RALGAPA1: variants seen among roughly 807,000 people sequenced by gnomAD.
The protein encoded by RALGAPA1 is ral GTPase-activating protein subunit alpha-1.
A neutral mutation model predicts 269.6 loss-of-function variants in RALGAPA1; 52 were observed. The ratio of observed to expected loss-of-function variants is 0.19; its 90% CI spans 0.15 to 0.24. The LOEUF is 0.24. RALGAPA1 is among the 10% of genes least tolerant of loss of function. RALGAPA1 has a pLI of 1.00. For missense variants in RALGAPA1, 1,917 were observed against 3,013.9 expected, an observed-to-expected ratio of 0.64 and a Z score of 8.52; for synonymous variants, 817 against 1,008.3, an observed-to-expected ratio of 0.81 and a Z score of 3.60.
At chr14:35,646,578 AG>A (rs2062451183) in intron 31 of RALGAPA1, among the ~76,000 whole-genome samples, 1 of 152,236 alleles carries the variant, frequency 6.6e-6, no homozygotes, top group South Asian at 2.1e-4. Flanking sequence ...CAAGAAATAT[AG>A]AAAGATTAAG....
chr14:35,681,113 T>A lies in RALGAPA1; in HGVS notation c.4471+2696A>T, dbSNP rs78129608. Reference sequence around the variant, plus strand: ...TTCTATGTTATAGGAAAATAGATGATTTCAGGACTACTAACATCCCTTTCA... The same window carrying A: ...TTCTATGTTATAGGAAAATAGATGAATTCAGGACTACTAACATCCCTTTCA... On this transcript the variant is annotated intron_variant, in intron 21 of 41. Coordinates refer to ENST00000680220, the MANE Select transcript of RALGAPA1 (RefSeq NM_001346249.2). Among the ~76,000 whole-genome samples, 2,091 of 152,296 alleles carry A rather than the reference T, an allele frequency of 0.014. 72 individuals are homozygous for A. The South Asian group carries it at 0.14, about 10-fold the overall frequency.
chr14:35,706,399 T>C (rs759011706), intron 16 of RALGAPA1, among the ~76,000 whole-genome samples: 10 of 152,320 alleles, frequency 6.6e-5, no homozygotes, highest in East Asian at 3.9e-4. Flanking sequence ...CCTTTCTCCA[T>C]TGAATTGCCT....
chr14:35,723,222 T>G lies in RALGAPA1; in HGVS notation c.1909A>C (p.Ile637Leu). The change falls in exon 15 of 42, where the codon ATC (isoleucine) becomes CTC (leucine). Residue 637 changes from isoleucine (I) to leucine (L), a missense_variant. By Grantham distance (5) the Ile-to-Leu change is conservative. Around this residue, in one of 11 missense-constraint regions of RALGAPA1, gnomAD observed 40 missense variants for 112.6 expected, o/e 0.36. Coordinates refer to ENST00000680220, the MANE Select transcript of RALGAPA1 (RefSeq NM_001346249.2). ...AWIKANLNVY[I>L]SRELWDDLLS... is the part of the protein sequence containing the mutation. ...AAGTCATCCCAAAGTTCTCGGGAGA[T>G]GTACACATTTAGGTTTGCTTTGATC... The G allele has an allele frequency of 6.2e-7, 1 of 1,613,210 alleles. No homozygotes were observed. The highest frequency in any genetic ancestry group is 8.5e-7 in the Non-Finnish European group (1 of 1,179,224).
intron 4 of RALGAPA1, among the ~76,000 whole-genome samples, chr14:35,769,496 G>C (rs1178977222): frequency 3.9e-5 from 6 of 151,952 alleles, no homozygotes; most frequent in African/African-American, 1.2e-4. Flanking sequence ...TCACCACCTG[G>C]GTGACAGGAT....
chr14:35,761,633 T>C (rs1170001180), intron 5 of RALGAPA1, among the ~76,000 whole-genome samples: 1 of 152,184 alleles, frequency 6.6e-6, no homozygotes, highest in African/African-American at 2.4e-5. Flanking sequence ...AACAATACCC[T>C]GTACACAGAA....
At chr14:35,808,155 G>C (rs937609673) in intron 1 of RALGAPA1, among the ~76,000 whole-genome samples, 1 of 152,060 alleles carries the variant, frequency 6.6e-6, no homozygotes, top group South Asian at 2.1e-4. Context: ...TACAATTCTC[G>C]AGAAGCAAAG....
At position 35,797,249 on chromosome 14, in the gene RALGAPA1, G is replaced by A. The variant is rs184763909; in HGVS notation, c.106+11481C>T. ...CGTGCCTGTAGTCCCAGCTACTAGG[G>A]GGCTGAAGCAGGAGAATCACTTGAA... is the stretch of plus-strand genomic sequence containing the variant. On this transcript the variant is annotated intron_variant, in intron 1 of 41. Coordinates refer to ENST00000680220, the MANE Select transcript of RALGAPA1 (RefSeq NM_001346249.2). 2.5e-3 allele frequency among the ~76,000 whole-genome samples: 373 copies of A among 150,484 alleles called. 5 individuals carry two copies. Among genetic ancestry groups the A allele is most frequent in the Admixed American group, 0.02 (299 of 15,074 alleles).
intron 31 of RALGAPA1, among the ~76,000 whole-genome samples, chr14:35,640,899 T>C (rs969182544): frequency 6.6e-6 from 1 of 152,172 alleles, no homozygotes; most frequent in Non-Finnish European, 1.5e-5. Context: ...GGGAGATTTA[T>C]CCCAGGGATT....
intron 36 of RALGAPA1, among the ~76,000 whole-genome samples, chr14:35,603,327 T>G (rs1487157519): frequency 1.3e-5 from 2 of 152,166 alleles, no homozygotes; most frequent in Non-Finnish European, 2.9e-5. Context: ...TTTTTTATAC[T>G]TTTCAAAGCA....
intron 37 of RALGAPA1, among the ~76,000 whole-genome samples, chr14:35,586,255 A>T (rs920480389): frequency 6.6e-6 from 1 of 151,922 alleles, no homozygotes; most frequent in African/African-American, 2.4e-5. Flanking sequence ...CTGTTTGTCT[A>T]TTATTGGTGT....
chr14:35,572,799 G>A, intron 37 of RALGAPA1, 81 bp from the exon 38 acceptor site: 1 of 1,005,914 alleles, frequency 9.9e-7, no homozygotes, highest in Non-Finnish European at 1.4e-6. Flanking sequence ...CATAAAAAGG[G>A]GAAAAACGAA....
chr14:35,755,699 T>C (rs546250526), intron 7 of RALGAPA1, among the ~76,000 whole-genome samples: 2 of 152,338 alleles, frequency 1.3e-5, no homozygotes, highest in African/African-American at 4.8e-5. Context: ...AATGGTATTA[T>C]TTTTATCTCT....
intron 31 of RALGAPA1, among the ~76,000 whole-genome samples, chr14:35,640,344 C>A (rs2061945177): frequency 6.6e-6 from 1 of 151,854 alleles, no homozygotes; most frequent in Admixed American, 6.6e-5. Context: ...AATTGACAAA[C>A]CTTTGGCCAC....
intron 7 of RALGAPA1, among the ~76,000 whole-genome samples, chr14:35,754,677 A>G (rs2073020389): frequency 6.6e-6 from 1 of 152,190 alleles, no homozygotes; most frequent in Non-Finnish European, 1.5e-5. Flanking sequence ...AATAGTCAAT[A>G]TATACCCCTA....
intron 17 of RALGAPA1, among the ~76,000 whole-genome samples, chr14:35,690,382 A>T (rs1032455228): frequency 1.3e-5 from 2 of 152,210 alleles, no homozygotes; most frequent in Non-Finnish European, 2.9e-5. Flanking sequence ...ACCTTAACAC[A>T]GAAAGCCGAT....
intron 4 of RALGAPA1, among the ~76,000 whole-genome samples, chr14:35,763,363 A>T (rs1256290451): frequency 6.6e-6 from 1 of 152,172 alleles, no homozygotes; most frequent in African/African-American, 2.4e-5. Flanking sequence ...CTGTACAGGT[A>T]TCACTGAGGC....
chr14:35,553,939 C>A (rs961957194), intron 39 of RALGAPA1, among the ~76,000 whole-genome samples: 1 of 152,200 alleles, frequency 6.6e-6, no homozygotes, highest in African/African-American at 2.4e-5. Context: ...CACTTCCCTA[C>A]ACTCATATAT....
chr14:35,628,932 T>A (rs1237971167), intron 33 of RALGAPA1, among the ~76,000 whole-genome samples: 1 of 150,744 alleles, frequency 6.6e-6, no homozygotes, highest in Non-Finnish European at 1.5e-5. Context: ...AAGAATATAG[T>A]AGTTTAAGAG....
At chr14:35,758,557 A>G (rs1267799315) in intron 6 of RALGAPA1, among the ~76,000 whole-genome samples, 2 of 152,124 alleles carry the variant, frequency 1.3e-5, no homozygotes, top group African/African-American at 4.8e-5. Context: ...AATAATAATT[A>G]TTTTTAAAGT....
Sources: allele counts gnomAD v4.1 joint callset (sites outside exome capture counted in the v4.1 genomes callset), GRCh38; gene constraint gnomAD v4.1.1; regional missense constraint gnomAD v4.1.1; transcripts MANE v1.5; gene names NCBI Gene and HGNC (gene_info 2026-07-23, HGNC 2026-07-21).